ZKSCAN8: variants seen among roughly 807,000 people sequenced by gnomAD.
The protein encoded by ZKSCAN8 is zinc finger with KRAB and SCAN domains 8.
In ZKSCAN8, 27 loss-of-function variants were observed where a neutral mutation model predicts 57.2. The ratio of observed to expected loss-of-function variants is 0.47; its 90% CI spans 0.35 to 0.65. The LOEUF is 0.65. Ranked by LOEUF, ZKSCAN8 falls within the 30% of genes least tolerant of loss-of-function variation. ZKSCAN8 has a pLI of 0.01. For missense variants in ZKSCAN8, 597 were observed against 696.3 expected, an observed-to-expected ratio of 0.86 and a Z score of 1.60; for synonymous variants, 214 against 248.7, an observed-to-expected ratio of 0.86 and a Z score of 1.31.
chr6:28,149,917 T>A (rs1357292070), intron 3 of ZKSCAN8, among the ~76,000 whole-genome samples: 1 of 152,172 alleles, frequency 6.6e-6, no homozygotes, highest in Non-Finnish European at 1.5e-5. Context: ...TATGTATACA[T>A]GTGCCATATT....
rs759650086 is a variant in ZKSCAN8, at chr6:28,148,396, TTTC to T, written c.-11_-9del. 24 of 1,602,018 alleles carry T rather than the reference TTTC, an allele frequency of 1.5e-5. No individual in the cohort carries two copies. The highest frequency in any genetic ancestry group is 2.0e-5 in the Non-Finnish European group (24 of 1,172,836). ...GTAGTGGAAACGAACTTCCTGAGCT[TTTC>T]AGGCTCTAATGGCTGAAGAATCAAG... On this transcript the variant is annotated 5_prime_UTR_variant, in exon 2 of 6. Coordinates refer to ENST00000330236, the MANE Select transcript of ZKSCAN8 (RefSeq NM_006298.4).
intron 2 of ZKSCAN8, among the ~76,000 whole-genome samples, chr6:28,149,027 C>T (rs1259941106): frequency 1.3e-5 from 2 of 152,182 alleles, no homozygotes; most frequent in Admixed American, 1.3e-4. Flanking sequence ...GTCGTCATAA[C>T]ATCCCTACGA....
chr6:28,154,831 T>C lies in ZKSCAN8; in HGVS notation c.*814T>C, dbSNP rs966006562. ...AGCTGCTCTTGAGCTTGGATAGTTATACATTTTGGTGACTTCTGACTCTCC... is the reference window on the plus strand; with the variant it reads ...AGCTGCTCTTGAGCTTGGATAGTTACACATTTTGGTGACTTCTGACTCTCC... On this transcript the variant is annotated 3_prime_UTR_variant, in exon 6 of 6. Transcript: ENST00000330236. 3 of 152,816 alleles carry C rather than the reference T, an allele frequency of 2.0e-5. No homozygotes were observed. Among genetic ancestry groups the C allele is most frequent in the East Asian group, 1.9e-4 (1 of 5,188 alleles). The allele number at this position is 152,816 out of a possible 1,614,324, so 9.5% of individuals were successfully genotyped here. A position where few individuals can be genotyped will look rare whatever the true frequency, so the allele number is the denominator to read the frequency against.
Position 28,144,196 on chromosome 6 carries a change from G to C in ZKSCAN8, c.-93+2167G>C, listed in dbSNP as rs1765313540. ...TGTACACACTCTCTATGTAGGATTT[G>C]TTTGTATGTTTGTTTGTTTTTAACC... On this transcript the variant is annotated intron_variant, in intron 1 of 5. Coordinates refer to ENST00000330236, the MANE Select transcript of ZKSCAN8 (RefSeq NM_006298.4). This position sits in a 1 kb window ranked among gnomAD's most constrained non-coding sequence, Gnocchi z 4.5. 1 of 152,138 alleles carries C rather than the reference G, an allele frequency of 6.6e-6. No homozygotes were observed. Among genetic ancestry groups the C allele is most frequent in the African/African-American group, 2.4e-5 (1 of 41,398 alleles). 9.4% of individuals were successfully genotyped at this position (152,138 alleles called of 1,614,324 possible). A position where few individuals can be genotyped will look rare whatever the true frequency, so the allele number is the denominator to read the frequency against.
In ZKSCAN8 at chr6:28,152,308, G is replaced by A; in HGVS notation, c.699G>A (p.Glu233=). Reference sequence around the variant, plus strand: ...TGGCTGTGTCCCTTATTCGAGAGGAGTGGCTTCTTGATCCATCACAGAAGG... The same window carrying A: ...TGGCTGTGTCCCTTATTCGAGAGGAATGGCTTCTTGATCCATCACAGAAGG... ...EDMAVSLIRE[E]WLLDPSQKDL... is the part of the protein sequence containing the mutation. The change falls in exon 5 of 6, where the codon GAG becomes GAA. Residue 233 remains glutamate, a synonymous_variant. Transcript: ENST00000330236. 1 of 1,613,260 alleles carries A rather than the reference G, an allele frequency of 6.2e-7. No individual in the cohort carries two copies.
At position 28,151,662 on chromosome 6, in the gene ZKSCAN8, G is replaced by A. The variant is rs140004044; in HGVS notation, c.560-183G>A. On this transcript the variant is annotated intron_variant, in intron 3 of 5. Coordinates refer to ENST00000330236, the MANE Select transcript of ZKSCAN8 (RefSeq NM_006298.4). ...AGTCTGACTTCAGGGACATCGGGGT[G>A]CGTATGTTTTGTGGGGCAGCCATAG... 7.1e-4 allele frequency among the ~76,000 whole-genome samples: 108 copies of A among 152,354 alleles called. 4 individuals carry two copies. In the South Asian group the frequency reaches 0.021, roughly 29 times the overall value.
chr6:28,145,629 G>A (rs751827536), intron 1 of ZKSCAN8, among the ~76,000 whole-genome samples: 1 of 152,000 alleles, frequency 6.6e-6, no homozygotes, highest in South Asian at 2.1e-4. Context: ...TCAGAGTGTC[G>A]CCAGACCCAT....
Position 28,153,664 on chromosome 6 carries a change from TATGAGTGTG to T in ZKSCAN8, c.1394_1402del (p.Asp465_Cys467del). On this transcript the variant is annotated inframe_deletion, in exon 6 of 6. Coordinates refer to ENST00000330236, the MANE Select transcript of ZKSCAN8 (RefSeq NM_006298.4). ...GAGAATCCACACTGGGGAGAAGCCC[TATGAGTGTG>T]ATGAGTGTGGGAAAACCTTCAGGCG... 2.5e-6 allele frequency: 4 copies of T among 1,613,514 alleles called. No individual in the cohort carries two copies. The highest frequency in any genetic ancestry group is 3.4e-6 in the Non-Finnish European group (4 of 1,179,852).
At chr6:28,152,001 C>T in intron 4 of ZKSCAN8, 65 bp downstream of exon 4, 2 of 1,565,248 alleles carry the variant, frequency 1.3e-6, no homozygotes, top group Middle Eastern at 1.7e-4. Flanking sequence ...GGCATCTGCC[C>T]TATATCTTGA....
At chr6:28,147,481 A>G (rs576439163) in intron 1 of ZKSCAN8, among the ~76,000 whole-genome samples, 2 of 152,314 alleles carry the variant, frequency 1.3e-5, no homozygotes, top group Non-Finnish European at 2.9e-5. Flanking sequence ...ACCTCTGAAT[A>G]TTTGCCCAAA....
At position 28,149,528 on chromosome 6, in the gene ZKSCAN8, G is replaced by A. The variant is rs1765521927; in HGVS notation, c.463G>A (p.Val155Ile). 1 of 1,614,134 alleles carries A rather than the reference G, an allele frequency of 6.2e-7. No individual in the cohort carries two copies. Among genetic ancestry groups the A allele is most frequent in the Non-Finnish European group, 8.5e-7 (1 of 1,180,022 alleles). Residue 155 changes from valine to isoleucine, a missense_variant, in exon 3 of 6, where the codon GTA becomes ATA. Val to Ile is a conservative substitution (Grantham distance 29). Coordinates refer to ENST00000330236, the MANE Select transcript of ZKSCAN8 (RefSeq NM_006298.4). ...HGHRVLWEEV[V>I]HSASAPEPPN... is the part of the protein sequence containing the mutation. ...ACATAGGGTACTCTGGGAGGAGGTA[G>A]TACATTCAGCATCTGCACCAGAGCC...
Position 28,153,724 on chromosome 6 carries a change from A to G in ZKSCAN8, c.1444A>G (p.Arg482Gly). 6.2e-7 allele frequency: 1 copy of G among 1,614,102 alleles called. No individual in the cohort carries two copies. The highest frequency in any genetic ancestry group is 1.1e-5 in the South Asian group (1 of 91,082). Residue 482 changes from arginine (R) to glycine (G), a missense_variant, in exon 6 of 6, where the codon AGG becomes GGG. Coordinates refer to ENST00000330236, the MANE Select transcript of ZKSCAN8 (RefSeq NM_006298.4). ...GAGCTCACATCTTATTGGTCATCAG[A>G]GGAGCCACACTGGGGAGAAACCCTA... ...RRSSHLIGHQ[R>G]SHTGEKPYKC...
chr6:28,147,589 A>G (rs4713147), intron 1 of ZKSCAN8, among the ~76,000 whole-genome samples: 34,925 of 152,168 alleles, frequency 0.23, 4,157 homozygotes, highest in African/African-American at 0.28. Flanking sequence ...ATATTGTTCA[A>G]CTGGGAAATG....
At chr6:28,145,253 A>T (rs1485557779) in intron 1 of ZKSCAN8, among the ~76,000 whole-genome samples, 6 of 152,160 alleles carry the variant, frequency 3.9e-5, no homozygotes, top group Admixed American at 3.3e-4. Flanking sequence ...AGACATTATG[A>T]AAGGTCCCTG....
At position 28,158,432 on chromosome 6, in the gene ZKSCAN8, T is replaced by C. The variant is rs929244901; in HGVS notation, c.*4415T>C. On this transcript the variant is annotated 3_prime_UTR_variant, in exon 6 of 6. Coordinates refer to ENST00000330236, the MANE Select transcript of ZKSCAN8 (RefSeq NM_006298.4). ...CCACAGGTACCTGTACAACTTGATA[T>C]TTGAAAACAGGATTCATCACCATAT... 6.6e-6 allele frequency: 1 copy of C among 152,236 alleles called. No homozygotes were observed. The highest frequency in any genetic ancestry group is 1.9e-4 in the East Asian group (1 of 5,202). The allele number at this position is 152,236 out of a possible 1,614,324, so 9.4% of individuals were successfully genotyped here. A position where few individuals can be genotyped will look rare whatever the true frequency, so the allele number is the denominator to read the frequency against.
At position 28,149,466 on chromosome 6, in the gene ZKSCAN8, C is replaced by T; in HGVS notation, c.418-17C>T. 1 of 1,612,812 alleles carries T rather than the reference C, an allele frequency of 6.2e-7. No individual in the cohort carries two copies. On this transcript the variant is annotated splice_polypyrimidine_tract_variant and intron_variant, in intron 2 of 5. Coordinates refer to ENST00000330236, the MANE Select transcript of ZKSCAN8 (RefSeq NM_006298.4). ...CGCAAAGGGATTCCTTATTATCCAA[C>T]TGTCTGTTGTTTCCAGGTCTCAGCT...
chr6:28,142,824 A>T (rs1765262525), intron 1 of ZKSCAN8, among the ~76,000 whole-genome samples: 1 of 152,236 alleles, frequency 6.6e-6, no homozygotes. Flanking sequence ...AATGTGATAG[A>T]TGTTAATTAA....
chr6:28,154,192 A>T lies in ZKSCAN8; in HGVS notation c.*175A>T. On this transcript the variant is annotated 3_prime_UTR_variant, in exon 6 of 6. Transcript: ENST00000330236. ...TAATTTGGGCCCAGTGCCTTGGTGA[A>T]GGTTGATTAGCTTGACTGTCTTTGA... 1.2e-6 allele frequency: 1 copy of T among 828,500 alleles called. No homozygotes were observed. The allele number at this position is 828,500 out of a possible 1,614,324, so 51.3% of individuals were successfully genotyped here. A position where few individuals can be genotyped will look rare whatever the true frequency, so the allele number is the denominator to read the frequency against.
Position 28,153,056 on chromosome 6 carries a change from G to A in ZKSCAN8, c.776G>A (p.Gly259Asp), listed in dbSNP as rs182859095. ...TTTGTTTATTACATTTTTATTTCAG[G>A]TGGTGAGACCAGGAGTGAGAACAGG... ...PENFRNMFSLGGETRSENREL... is the reference protein window; with the variant it reads ...PENFRNMFSLDGETRSENREL... Residue 259 changes from glycine to aspartate, a missense_variant and splice_region_variant, in exon 6 of 6, where the codon GGT (glycine) becomes GAT (aspartate). By Grantham distance (94) the Gly-to-Asp change is moderately conservative. Transcript: ENST00000330236. 4 of 1,612,282 alleles carry A rather than the reference G, an allele frequency of 2.5e-6. No homozygotes were observed. Among genetic ancestry groups the A allele is most frequent in the Middle Eastern group, 1.7e-4 (1 of 6,052 alleles).
Sources: allele counts gnomAD v4.1 joint callset (sites outside exome capture counted in the v4.1 genomes callset), GRCh38; gene constraint gnomAD v4.1.1; non-coding constraint Gnocchi (gnomAD v3.1); transcripts MANE v1.5; gene names NCBI Gene and HGNC (gene_info 2026-07-23, HGNC 2026-07-21).